Variants in FRMPD4 observed in about 807,000 individuals in gnomAD.
FRMPD4 encodes the protein FERM and PDZ domain containing 4, also known as FERM and PDZ domain-containing protein 4.
FRMPD4 carries 22 observed loss-of-function variants against 94.1 expected under a neutral mutation model. That is an observed-to-expected ratio of 0.23 (90% CI 0.17 to 0.33). The LOEUF (loss-of-function observed/expected upper bound fraction) is 0.33, where lower values mean the gene tolerates loss of function less well. Ranked by LOEUF, FRMPD4 falls within the 10% of genes least tolerant of loss-of-function variation. FRMPD4 has a pLI of 1.00. For missense variants in FRMPD4, 1,111 were observed against 1,339.9 expected, an observed-to-expected ratio of 0.83 and a Z score of 2.67; for synonymous variants, 631 against 548.6, an observed-to-expected ratio of 1.15 and a Z score of -2.10.
At chrX:12,062,230 A>G (rs1046198176) in intron 3 of FRMPD4, among the ~76,000 whole-genome samples, 2 of 111,864 alleles carry the variant, frequency 1.8e-5, no homozygotes, top group South Asian at 7.4e-4. Context: ...ATTTCACTAG[A>G]CAATGTATTG....
intron 1 of FRMPD4, among the ~76,000 whole-genome samples, chrX:12,290,776 C>G (rs2054673390): frequency 1.8e-5 from 2 of 111,211 alleles, no homozygotes; most frequent in African/African-American, 6.5e-5. Flanking sequence ...GTAATCTGTT[C>G]TTGACACTCC....
Position 12,239,902 on chromosome X carries a change from A to G in FRMPD4, c.41+100890A>G, listed in dbSNP as rs140969216. On this transcript the variant is annotated intron_variant, in intron 1 of 16. Transcript: ENST00000675598. Reference sequence around the variant, plus strand: ...TCCCATTCATGAAAGCTGAACACTCATGACCTCATCGCCTTTCAAAGGCCT... The same window carrying G: ...TCCCATTCATGAAAGCTGAACACTCGTGACCTCATCGCCTTTCAAAGGCCT... Among the ~76,000 whole-genome samples, 692 of 112,035 alleles carry G rather than the reference A, an allele frequency of 6.2e-3. 8 individuals are homozygous for G. The highest frequency in any genetic ancestry group is 0.021 in the African/African-American group (662 of 30,832).
intron 5 of FRMPD4, among the ~76,000 whole-genome samples, chrX:12,678,986 C>T (rs952514109): frequency 1.8e-5 from 2 of 112,421 alleles, no homozygotes; most frequent in Non-Finnish European, 3.8e-5. Flanking sequence ...CGCTTTCCTG[C>T]CTCCAACTTC....
At chrX:12,500,595 G>T (rs1049134891) in intron 2 of FRMPD4, among the ~76,000 whole-genome samples, 4 of 110,595 alleles carry the variant, frequency 3.6e-5, no homozygotes, top group Non-Finnish European at 5.7e-5. Context: ...GAACATGACT[G>T]GAAAGTGGCC....
intron 2 of FRMPD4, among the ~76,000 whole-genome samples, chrX:11,867,244 A>G (rs944525304): frequency 2.7e-5 from 3 of 111,711 alleles, no homozygotes; most frequent in African/African-American, 9.7e-5. Context: ...CCCAAAACCT[A>G]TAGCTTTTGA....
intron 1 of FRMPD4, among the ~76,000 whole-genome samples, chrX:12,317,585 C>CAAAAAAAAAAAAAA (rs376884335): frequency 1.7e-3 from 73 of 42,350 alleles, no homozygotes; most frequent in African/African-American, 4.0e-3. Context: ...AACTAAATAG[C>CAAAAAAAAAAAAAA]AAAAAAAAAA....
At chrX:12,327,260 T>C (rs1267740031) in intron 1 of FRMPD4, among the ~76,000 whole-genome samples, 1 of 112,841 alleles carries the variant, frequency 8.9e-6, no homozygotes, top group Non-Finnish European at 1.9e-5. Flanking sequence ...ATGCTAGAGA[T>C]TGGGAAACAA....
At chrX:11,968,233 G>C (rs2054321748) in intron 3 of FRMPD4, among the ~76,000 whole-genome samples, 2 of 111,562 alleles carry the variant, frequency 1.8e-5, no homozygotes, top group Non-Finnish European at 3.8e-5. Flanking sequence ...CATGATAAAA[G>C]CTACTGTTAT....
At chrX:12,494,260 G>T (rs985260720) in intron 1 of FRMPD4, among the ~76,000 whole-genome samples, 1 of 111,337 alleles carries the variant, frequency 9.0e-6, no homozygotes, top group African/African-American at 3.3e-5. Flanking sequence ...TCTTTTGAGG[G>T]GCTGTCCTGT....
chrX:12,436,855 C>T (rs1204748015), intron 1 of FRMPD4, among the ~76,000 whole-genome samples: 1 of 111,212 alleles, frequency 9.0e-6, no homozygotes, highest in Non-Finnish European at 1.9e-5. Context: ...GTTTACTTAT[C>T]TTTGCTATTA....
At chrX:12,653,599 T>TAATCAATC (rs758574715) in intron 4 of FRMPD4, among the ~76,000 whole-genome samples, 16 of 111,207 alleles carry the variant, frequency 1.4e-4, no homozygotes, top group African/African-American at 5.2e-4. Context: ...TGAAAACCGC[T>TAATCAATC]AATCAATCAA....
chrX:12,028,905 A>G (rs759968111), intron 3 of FRMPD4, among the ~76,000 whole-genome samples: 115 of 112,510 alleles, frequency 1.0e-3, no homozygotes, highest in Non-Finnish European at 1.8e-3. Context: ...GGTTGCATCC[A>G]AGTTTTGGCA....
chrX:11,996,095 A>G (rs1172985044), intron 3 of FRMPD4, among the ~76,000 whole-genome samples: 3 of 111,556 alleles, frequency 2.7e-5, no homozygotes, highest in African/African-American at 9.8e-5. Flanking sequence ...TTGGTTGTCT[A>G]GATAGGCTCT....
chrX:12,608,907 G>A (rs1484506340), intron 2 of FRMPD4, among the ~76,000 whole-genome samples: 2 of 111,572 alleles, frequency 1.8e-5, no homozygotes, highest in East Asian at 2.8e-4. Context: ...GGCTTGGGGC[G>A]CCAACCCCAC....
chrX:12,023,291 C>A (rs923336961), intron 3 of FRMPD4, among the ~76,000 whole-genome samples: 6 of 111,142 alleles, frequency 5.4e-5, no homozygotes, highest in African/African-American at 2.0e-4. Flanking sequence ...TATAGGACAC[C>A]CAGTCTATGG....
At chrX:11,860,076 A>T (rs1258295028) in intron 1 of FRMPD4, among the ~76,000 whole-genome samples, 1 of 112,617 alleles carries the variant, frequency 8.9e-6, no homozygotes, top group Non-Finnish European at 1.9e-5. Flanking sequence ...ATTACCAATT[A>T]AATGCAACAA....
intron 1 of FRMPD4, among the ~76,000 whole-genome samples, chrX:12,251,493 G>C (rs2054039274): frequency 9.0e-6 from 1 of 111,576 alleles, no homozygotes; most frequent in Non-Finnish European, 1.9e-5. Flanking sequence ...TTTGCCTCGG[G>C]TCAAAGCAAC....
At chrX:11,832,356 G>A (rs755070812) in intron 1 of FRMPD4, among the ~76,000 whole-genome samples, 6 of 111,801 alleles carry the variant, frequency 5.4e-5, no homozygotes, top group Non-Finnish European at 9.4e-5. Context: ...AGTGATTCAA[G>A]GAGGTATTGA....
chrX:12,218,158 C>G (rs1206551112), intron 1 of FRMPD4, among the ~76,000 whole-genome samples: 22 of 111,456 alleles, frequency 2.0e-4, no homozygotes, highest in Admixed American at 9.5e-5. Flanking sequence ...AATAAGAGAT[C>G]AAGACAAGAA....
Sources: gnomAD v4.1 joint callset for allele counts (sites outside exome capture counted in the v4.1 genomes callset) on GRCh38, gnomAD v4.1.1 for gene constraint, MANE v1.5 for transcripts, NCBI Gene and HGNC (gene_info 2026-07-23, HGNC 2026-07-21) for gene names.